The following AASDH variants were observed in gnomAD, a reference collection of about 807,000 sequenced individuals.
AASDH encodes aminoadipate-semialdehyde dehydrogenase.
Under a neutral mutation model 102.3 loss-of-function variants are expected in AASDH, and 81 were observed. The observed-to-expected ratio is 0.79, with a 90% CI of 0.66 to 0.95. The LOEUF is 0.95. AASDH is among the 40% of genes least tolerant of loss of function. AASDH has a pLI of 0.00. For missense variants in AASDH, 1,203 were observed against 1,266.2 expected, an observed-to-expected ratio of 0.95 and a Z score of 0.76; for synonymous variants, 398 against 454.0, an observed-to-expected ratio of 0.88 and a Z score of 1.57.
At chr4:56,378,545 A>T in intron 3 of AASDH, 81 bp from the exon 4 acceptor site, 1 of 1,204,108 alleles carries the variant, frequency 8.3e-7, no homozygotes, top group Non-Finnish European at 1.1e-6. Flanking sequence ...TATGAAATAC[A>T]GTCATCCCTC....
At chr4:56,387,059 T>C (rs560815960) in intron 1 of AASDH, among the ~76,000 whole-genome samples, 159 of 152,270 alleles carry the variant, frequency 1.0e-3, no homozygotes, top group African/African-American at 3.6e-3. Flanking sequence ...CGAGTAACAA[T>C]GCAATTTACA....
intron 4 of AASDH, among the ~76,000 whole-genome samples, chr4:56,377,824 T>G (rs1165491857): frequency 6.6e-6 from 1 of 152,250 alleles, no homozygotes; most frequent in African/African-American, 2.4e-5. Context: ...GTTTTGTTTT[T>G]GAGACAGTCT....
At chr4:56,362,283 T>C (rs1231510811) in intron 5 of AASDH, among the ~76,000 whole-genome samples, 1 of 152,114 alleles carries the variant, frequency 6.6e-6, no homozygotes, top group African/African-American at 2.4e-5. Context: ...TTGTTTGTTT[T>C]AGACTAAGTC....
chr4:56,375,425 C>T (rs1752228368), intron 4 of AASDH, among the ~76,000 whole-genome samples: 1 of 152,170 alleles, frequency 6.6e-6, no homozygotes, highest in Non-Finnish European at 1.5e-5. Context: ...TTTAACATTT[C>T]ATCTCTTTAG....
In AASDH at chr4:56,345,132, T is replaced by G. The variant is rs759337039; in HGVS notation, c.2647A>C (p.Ile883Leu). ...AATTTGAGGTCAATCCTTACATAAA[T>G]ATCTAAAGCATATGCGTGCTGGTCA... ...SHDQHAYALD[I>L]YRKKCVWKSK... Residue 883 changes from isoleucine (I) to leucine (L), a missense_variant, in exon 12 of 15, where the codon ATT (isoleucine) becomes CTT (leucine). Physicochemically the swap from Ile to Leu is conservative, Grantham distance 5 (BLOSUM62 2). Coordinates refer to ENST00000205214, the MANE Select transcript of AASDH (RefSeq NM_181806.4). 3.1e-6 allele frequency: 5 copies of G among 1,613,798 alleles called. No individual in the cohort carries two copies. In the Admixed American group the frequency reaches 8.3e-5, roughly 27 times the overall value.
At chr4:56,363,162 A>G (rs1337810435) in intron 5 of AASDH, among the ~76,000 whole-genome samples, 3 of 152,236 alleles carry the variant, frequency 2.0e-5, no homozygotes, top group Non-Finnish European at 4.4e-5. Flanking sequence ...GCAAGGCGGC[A>G]GCGAGGCTGG....
At chr4:56,345,056 C>A in intron 12 of AASDH, 71 bp downstream of exon 12, 1 of 1,534,522 alleles carries the variant, frequency 6.5e-7, no homozygotes, top group East Asian at 2.3e-5. Flanking sequence ...ATCCTCCCAC[C>A]TCAGCCTCTG....
chr4:56,353,939 G>C (rs1012618122), intron 8 of AASDH, 100 bp downstream of exon 8: 2 of 1,093,044 alleles, frequency 1.8e-6, no homozygotes, highest in African/African-American at 3.2e-5. Context: ...ACACAAAAAT[G>C]TCAGGTGTAA....
chr4:56,379,892 C>T (rs1480725538), intron 3 of AASDH, among the ~76,000 whole-genome samples: 1 of 152,046 alleles, frequency 6.6e-6, no homozygotes, highest in African/African-American at 2.4e-5. Context: ...AGGTGAGGTG[C>T]GTTGTTGATA....
At chr4:56,345,888 A>AT (rs1461518394) in intron 11 of AASDH, among the ~76,000 whole-genome samples, 1 of 152,246 alleles carries the variant, frequency 6.6e-6, no homozygotes, top group African/African-American at 2.4e-5. Context: ...TTATAACCAC[A>AT]TTTTATAGAT....
intron 14 of AASDH, among the ~76,000 whole-genome samples, chr4:56,342,550 G>A (rs929089217): frequency 6.6e-6 from 1 of 152,008 alleles, no homozygotes; most frequent in African/African-American, 2.4e-5. Flanking sequence ...CAAAAGAAGT[G>A]TAACAATGTT....
chr4:56,377,077 A>AT (rs1560612884), intron 4 of AASDH, among the ~76,000 whole-genome samples: 25 of 112,042 alleles, frequency 2.2e-4, no homozygotes, highest in African/African-American at 6.7e-4. Flanking sequence ...AAAAAAAAAA[A>AT]AAAATAAATA....
chr4:56,371,080 T>A (rs887508038), intron 5 of AASDH, among the ~76,000 whole-genome samples: 10 of 152,180 alleles, frequency 6.6e-5, no homozygotes, highest in African/African-American at 1.9e-4. Context: ...AAAATCTATA[T>A]TCCTAACTCG....
chr4:56,369,310 A>C (rs1337437489), intron 5 of AASDH, among the ~76,000 whole-genome samples: 1 of 152,184 alleles, frequency 6.6e-6, no homozygotes, highest in Non-Finnish European at 1.5e-5. Context: ...GTAACTATGA[A>C]TCAAATCTAT....
In AASDH at chr4:56,338,755, A is replaced by T; in HGVS notation, c.2944T>A (p.Ser982Thr). The change falls in exon 15 of 15, where the codon TCC (serine) becomes ACC (threonine). Residue 982 changes from serine (S) to threonine (T), a missense_variant. By Grantham distance (58) the Ser-to-Thr change is moderately conservative. Transcript: ENST00000205214. ...QFSTSGPIFS[S>T]PCTSPSEQKI... ...TGCTCTGATGGTGAGGTACACGGGG[A>T]TGAAAAGATTGGTCCACTGGTAGAG... The T allele has an allele frequency of 5.0e-6, 8 of 1,614,170 alleles. No individual in the cohort carries two copies. The highest frequency in any genetic ancestry group is 6.8e-6 in the Non-Finnish European group (8 of 1,180,020).
chr4:56,380,209 T>C (rs374498703), intron 3 of AASDH, among the ~76,000 whole-genome samples: 1 of 152,216 alleles, frequency 6.6e-6, no homozygotes, highest in Non-Finnish European at 1.5e-5. Context: ...AAGAAAATTG[T>C]TGGGTTTCTG....
At position 56,345,273 on chromosome 4, in the gene AASDH, C is replaced by T; in HGVS notation, c.2506G>A (p.Val836Ile). 2 of 1,612,882 alleles carry T rather than the reference C, an allele frequency of 1.2e-6. No individual in the cohort carries two copies. Among genetic ancestry groups the T allele is most frequent in the Non-Finnish European group, 1.7e-6 (2 of 1,178,958 alleles). ...FIVVGCYNGL[V>I]YVLKSNSGEK... The stretch of plus-strand genomic sequence containing the variant: ...CCACTATTACTTTTCAGAACATAAA[C>T]TAATCCATTATAACAGCCTACCAAG... Residue 836 changes from valine to isoleucine, a missense_variant, in exon 12 of 15, where the codon GTT (valine) becomes ATT (isoleucine). Transcript: ENST00000205214.
At chr4:56,371,428 C>T (rs371657175) in intron 5 of AASDH, 23 bp downstream of exon 5, 71 of 1,566,840 alleles carry the variant, frequency 4.5e-5, no homozygotes, top group Non-Finnish European at 5.4e-5. Flanking sequence ...ATAAACAAAA[C>T]GTTCATTGCT....
At chr4:56,387,187 A>G (rs1447352256) in intron 1 of AASDH, among the ~76,000 whole-genome samples, 175 bp downstream of exon 1, 1 of 152,174 alleles carries the variant, frequency 6.6e-6, no homozygotes, top group Non-Finnish European at 1.5e-5. Context: ...GAGTGTACAC[A>G]CAGGTCAGGG....
Sources: gnomAD v4.1 joint callset for allele counts (sites outside exome capture counted in the v4.1 genomes callset) on GRCh38, gnomAD v4.1.1 for gene constraint, MANE v1.5 for transcripts, NCBI Gene and HGNC (gene_info 2026-07-23, HGNC 2026-07-21) for gene names.